The following ASTN2 variants were observed in gnomAD, a reference collection of about 807,000 sequenced individuals.
ASTN2 encodes astrotactin 2.
In ASTN2, 54 loss-of-function variants were observed where a neutral mutation model predicts 139.8. The ratio of observed to expected loss-of-function variants is 0.39; its 90% confidence interval spans 0.31 to 0.48. The LOEUF (loss-of-function observed/expected upper bound fraction) is 0.48, where lower values mean the gene tolerates loss of function less well. Ranked by LOEUF, ASTN2 falls within the 20% of genes least tolerant of loss-of-function variation. The probability of loss-of-function intolerance (pLI) is 0.95; values close to 1 mark genes in which losing one functional copy is unlikely to be tolerated. For synonymous variants in ASTN2, 756 were observed against 719.5 expected (o/e 1.05, Z -0.81); for missense variants, 1,565 against 1,725.1 (o/e 0.91, Z 1.64).
rs529015065 is a variant in ASTN2, at chr9:116,729,101, G to C, written c.2522-5C>G. 1.9e-6 allele frequency: 3 copies of C among 1,573,950 alleles called. No homozygotes were observed. The highest frequency in any genetic ancestry group is 2.6e-6 in the Non-Finnish European group (3 of 1,158,196). On this transcript the variant is annotated splice_region_variant and splice_polypyrimidine_tract_variant and intron_variant, in intron 14 of 22. Transcript: ENST00000313400. ...CCTCATCATACCTGATATCTCCTGG[G>C]AGAGAAAATAAGATGGTCACGTGAG...
intron 16 of ASTN2, among the ~76,000 whole-genome samples, chr9:116,661,046 T>C (rs1024106025): frequency 3.9e-5 from 6 of 152,068 alleles, no homozygotes; most frequent in Non-Finnish European, 4.4e-5. Context: ...GTGAAAGCAG[T>C]TAAATTTCTG....
chr9:117,044,510 C>T (rs10983472), intron 5 of ASTN2, among the ~76,000 whole-genome samples: 12,053 of 152,254 alleles, frequency 0.079, 533 homozygotes, highest in South Asian at 0.15. Context: ...CTAAGAGTTC[C>T]TGGCTCAGGG....
chr9:117,180,627 C>CTTTTT (rs372662181), intron 3 of ASTN2: 29 of 939,850 alleles, frequency 3.1e-5, no homozygotes, highest in South Asian at 1.1e-4. Flanking sequence ...TCTGGAGTAT[C>CTTTTT]TTTTTTTTTT....
chr9:117,012,331 G>A (rs1837560613), intron 6 of ASTN2, among the ~76,000 whole-genome samples: 1 of 152,164 alleles, frequency 6.6e-6, no homozygotes. Context: ...GATGCATATG[G>A]CAAAAGTAGA....
intron 2 of ASTN2, among the ~76,000 whole-genome samples, chr9:117,274,470 A>G (rs1834138523): frequency 6.6e-6 from 1 of 152,216 alleles, no homozygotes; most frequent in Non-Finnish European, 1.5e-5. Context: ...ACCAGTAATA[A>G]TAATCACAGT....
intron 10 of ASTN2, among the ~76,000 whole-genome samples, chr9:116,903,309 C>T (rs1042145664): frequency 2.0e-5 from 3 of 152,138 alleles, no homozygotes; most frequent in Admixed American, 6.6e-5. Flanking sequence ...TCTTCTCCCC[C>T]TAGAATGTAA....
At chr9:116,578,627 T>C (rs1292354397) in intron 19 of ASTN2, among the ~76,000 whole-genome samples, 1,721 of 79,726 alleles carry the variant, frequency 0.022, 42 homozygotes, top group African/African-American at 0.095. Flanking sequence ...AACGTGTGTG[T>C]GTGTGTGTGT....
chr9:117,398,994 G>A (rs968629347), intron 1 of ASTN2, among the ~76,000 whole-genome samples: 1 of 152,142 alleles, frequency 6.6e-6, no homozygotes, highest in Non-Finnish European at 1.5e-5. Flanking sequence ...CATTGGCCAG[G>A]ATGGTCTTGA....
chr9:116,673,955 T>C (rs1367608346), intron 16 of ASTN2, among the ~76,000 whole-genome samples: 1 of 152,240 alleles, frequency 6.6e-6, no homozygotes, highest in African/African-American at 2.4e-5. Context: ...CATGCTGTCC[T>C]TGTTCATTCC....
intron 3 of ASTN2, among the ~76,000 whole-genome samples, chr9:117,165,103 C>T (rs1291536381): frequency 6.6e-6 from 1 of 152,024 alleles, no homozygotes; most frequent in African/African-American, 2.4e-5. Context: ...TCCTACAGCT[C>T]ACATGGTGGC....
chr9:117,011,890 G>T (rs750577459), intron 6 of ASTN2, among the ~76,000 whole-genome samples: 1 of 152,126 alleles, frequency 6.6e-6, no homozygotes, highest in Non-Finnish European at 1.5e-5. Flanking sequence ...CAGGGGTTTT[G>T]GTCAGTTGCT....
intron 4 of ASTN2, among the ~76,000 whole-genome samples, chr9:117,122,399 C>T (rs746288980): frequency 6.6e-6 from 1 of 151,756 alleles, no homozygotes; most frequent in Non-Finnish European, 1.5e-5. Context: ...ATAGCATCCA[C>T]CACAATTGCA....
intron 3 of ASTN2, among the ~76,000 whole-genome samples, chr9:117,159,561 A>G (rs1441129416): frequency 6.6e-6 from 1 of 152,058 alleles, no homozygotes; most frequent in East Asian, 1.9e-4. Flanking sequence ...TTGAAAAAAT[A>G]TTTATTGAGC....
At chr9:117,334,277 C>T (rs937764929) in intron 1 of ASTN2, among the ~76,000 whole-genome samples, 1 of 152,098 alleles carries the variant, frequency 6.6e-6, no homozygotes, top group African/African-American at 2.4e-5. Context: ...AGTGGTCACT[C>T]TTTAGTGCCT....
intron 17 of ASTN2, among the ~76,000 whole-genome samples, chr9:116,624,344 C>G (rs1194554510): frequency 6.6e-6 from 1 of 152,172 alleles, no homozygotes; most frequent in Non-Finnish European, 1.5e-5. Context: ...CTACTTCATA[C>G]CTTGTGCCTT....
intron 20 of ASTN2, among the ~76,000 whole-genome samples, chr9:116,454,686 A>C (rs1034736895): frequency 6.6e-6 from 1 of 152,250 alleles, no homozygotes; most frequent in Non-Finnish European, 1.5e-5. Flanking sequence ...TGGCACATAT[A>C]TACCATGGAA....
intron 10 of ASTN2, among the ~76,000 whole-genome samples, chr9:116,934,608 C>T (rs551129704): frequency 6.6e-6 from 1 of 152,184 alleles, no homozygotes; most frequent in South Asian, 2.1e-4. Flanking sequence ...ACACTGAGGC[C>T]TTTCAGGGAG....
chr9:117,168,944 T>G (rs1292005960), intron 3 of ASTN2, among the ~76,000 whole-genome samples: 1 of 152,180 alleles, frequency 6.6e-6, no homozygotes, highest in Non-Finnish European at 1.5e-5. Context: ...GTTTTGCCTC[T>G]ATCTGTTAAT....
At chr9:116,678,659 G>A (rs1090021) in intron 16 of ASTN2, among the ~76,000 whole-genome samples, 79,246 of 151,920 alleles carry the variant, frequency 0.52, 21,798 homozygotes, top group East Asian at 0.87. Flanking sequence ...AACATTCTGT[G>A]GGTATAAACA....
Sources: allele counts gnomAD v4.1 joint callset (sites outside exome capture counted in the v4.1 genomes callset), GRCh38; gene constraint gnomAD v4.1.1; transcripts MANE v1.5; gene names NCBI Gene and HGNC (gene_info 2026-07-23, HGNC 2026-07-21).